The following EIF2B3 variants were observed in gnomAD, a reference collection of about 807,000 sequenced individuals.
EIF2B3 encodes translation initiation factor eIF2B subunit gamma.
EIF2B3 carries 20 observed loss-of-function variants against 54.1 expected under a neutral mutation model. The ratio of observed to expected loss-of-function variants is 0.37; its 90% CI spans 0.26 to 0.54. EIF2B3 has a LOEUF of 0.54. Among genes scored for constraint, EIF2B3 ranks in the 20% least tolerant of loss-of-function variants. The probability of loss-of-function intolerance (pLI) is 0.86; values close to 1 mark genes in which losing one functional copy is unlikely to be tolerated. For missense variants in EIF2B3, 448 were observed against 547.8 expected, an observed-to-expected ratio of 0.82 and a Z score of 1.82; for synonymous variants, 153 against 188.1, an observed-to-expected ratio of 0.81 and a Z score of 1.52.
intron 5 of EIF2B3, among the ~76,000 whole-genome samples, chr1:44,922,834 A>T: frequency 1.1e-5 from 1 of 93,778 alleles, no homozygotes; most frequent in Non-Finnish European, 2.3e-5. Flanking sequence ...TTTCTTTTTC[A>T]GATTTTTTTT....
chr1:44,924,010 G>A (rs1032060270), intron 5 of EIF2B3, among the ~76,000 whole-genome samples: 11 of 147,748 alleles, frequency 7.4e-5, no homozygotes, highest in Non-Finnish European at 1.2e-4. Context: ...GTGCAATCTC[G>A]GCTCACTGCA....
intron 3 of EIF2B3, 144 bp downstream of exon 3, chr1:44,978,171 C>T (rs1393969846): frequency 4.6e-6 from 4 of 871,370 alleles, no homozygotes; most frequent in East Asian, 2.7e-5. Context: ...GTGGAGGTTG[C>T]AGTGAATTGA....
At chr1:44,894,806 G>A (rs1345906853) in intron 6 of EIF2B3, among the ~76,000 whole-genome samples, 1 of 152,088 alleles carries the variant, frequency 6.6e-6, no homozygotes, top group Non-Finnish European at 1.5e-5. Context: ...CATGCAGAAT[G>A]GTTTATGTTC....
intron 4 of EIF2B3, among the ~76,000 whole-genome samples, chr1:44,938,503 T>TCTG (rs142346384): frequency 0.12 from 16,789 of 139,230 alleles, 1,023 homozygotes; most frequent in East Asian, 0.15. Context: ...TCTCTCTCTG[T>TCTG]TTTTTTTTGG....
chr1:44,864,423 G>A lies in EIF2B3; in HGVS notation c.1203-6616C>T, dbSNP rs572749543. Among the ~76,000 whole-genome samples, 53 of 152,044 alleles carry A rather than the reference G, an allele frequency of 3.5e-4. 1 individual carries two copies. The highest frequency in any genetic ancestry group is 4.9e-4 in the Non-Finnish European group (33 of 68,006). ...CTAAAAATACAAAAATTAGCCTGGCGTGATGGTGTGTGCCTGTAGTCCCAG... is the reference window on the plus strand; with the variant it reads ...CTAAAAATACAAAAATTAGCCTGGCATGATGGTGTGTGCCTGTAGTCCCAG... On this transcript the variant is annotated intron_variant, in intron 10 of 11. Coordinates refer to ENST00000360403, the MANE Select transcript of EIF2B3 (RefSeq NM_020365.5).
At chr1:44,967,739 C>CAA (rs35067923) in intron 3 of EIF2B3, among the ~76,000 whole-genome samples, 28 of 49,482 alleles carry the variant, frequency 5.7e-4, no homozygotes, top group Admixed American at 1.0e-3. Context: ...ATGCTGTCTT[C>CAA]AAAAAAAAAA....
chr1:44,916,580 G>C (rs935699703), intron 5 of EIF2B3, among the ~76,000 whole-genome samples: 8 of 148,414 alleles, frequency 5.4e-5, no homozygotes, highest in African/African-American at 2.0e-4. Context: ...CAGCACTTTG[G>C]GAGGCCAAGG....
At chr1:44,914,160 A>AT (rs34681417) in intron 5 of EIF2B3, among the ~76,000 whole-genome samples, 23,356 of 133,634 alleles carry the variant, frequency 0.17, 2,048 homozygotes, top group Non-Finnish European at 0.19. Context: ...TAAATTGGGA[A>AT]TTTTTTTTTT....
At chr1:44,891,077 G>C (rs898085231) in intron 6 of EIF2B3, among the ~76,000 whole-genome samples, 2 of 151,460 alleles carry the variant, frequency 1.3e-5, no homozygotes, top group African/African-American at 2.4e-5. Flanking sequence ...CGGTAGATGG[G>C]AAAAAAAAGA....
At chr1:44,908,744 G>A (rs1280694020) in intron 5 of EIF2B3, among the ~76,000 whole-genome samples, 1 of 152,152 alleles carries the variant, frequency 6.6e-6, no homozygotes, top group Non-Finnish European at 1.5e-5. Context: ...GGAGAATGTT[G>A]AAAAAACTAA....
At chr1:44,982,244 C>G (rs1351489479) in intron 1 of EIF2B3, among the ~76,000 whole-genome samples, 3 of 152,176 alleles carry the variant, frequency 2.0e-5, no homozygotes, top group Admixed American at 6.6e-5. Flanking sequence ...TGAAAAGAAT[C>G]TCTTTACAGA....
intron 3 of EIF2B3, chr1:44,959,175 C>G: frequency 1.4e-6 from 1 of 718,456 alleles, no homozygotes; most frequent in African/African-American, 1.8e-5. Flanking sequence ...GTGTTTTTGG[C>G]TTCCCATTAG....
chr1:44,858,215 A>C (rs932691), intron 10 of EIF2B3, among the ~76,000 whole-genome samples: 65,192 of 151,254 alleles, frequency 0.43, 14,934 homozygotes, highest in African/African-American at 0.59. Flanking sequence ...ACTACAGGTG[A>C]ACACCACCAT....
At chr1:44,926,559 A>G in intron 5 of EIF2B3, 69 bp downstream of exon 5, 2 of 1,221,794 alleles carry the variant, frequency 1.6e-6, no homozygotes, top group Non-Finnish European at 1.2e-6. Flanking sequence ...CCTCTTTCCC[A>G]TCCACTGGGT....
chr1:44,938,625 G>C (rs1472155501), intron 4 of EIF2B3, among the ~76,000 whole-genome samples: 1 of 151,870 alleles, frequency 6.6e-6, no homozygotes, highest in Admixed American at 6.6e-5. Context: ...GGGACTAGAG[G>C]CTCACAAGCC....
Position 44,850,837 on chromosome 1 carries a change from G to T in EIF2B3, c.*114C>A. On this transcript the variant is annotated 3_prime_UTR_variant, in exon 12 of 12. Transcript: ENST00000360403. ...CTTTGGACTGCTCCACAAGTCTCCA[G>T]CATGCCTTTGGAAGCCCTTCTTTAT... is the stretch of plus-strand genomic sequence containing the variant. 1.7e-6 allele frequency: 2 copies of T among 1,197,114 alleles called. No individual in the cohort carries two copies. Among genetic ancestry groups the T allele is most frequent in the South Asian group, 1.2e-5 (1 of 82,230 alleles). 74.2% of individuals were successfully genotyped at this position (1,197,114 alleles called of 1,614,324 possible).
intron 4 of EIF2B3, among the ~76,000 whole-genome samples, chr1:44,934,225 G>A (rs114688853): frequency 0.011 from 1,636 of 151,060 alleles, 33 homozygotes; most frequent in African/African-American, 0.037. Flanking sequence ...GTAAAACCTC[G>A]TCTTTACTAA....
rs890315859 is a variant in EIF2B3 at position 44,857,582 on chromosome 1, C to T, written c.1306+122G>A. 5.4e-6 allele frequency: 5 copies of T among 917,594 alleles called. No homozygotes were observed. In the Admixed American group the frequency reaches 9.4e-5, roughly 17 times the overall value. The allele number at this position is 917,594 out of a possible 1,614,324, so 56.8% of individuals were successfully genotyped here. ...AACTGCTCTCCAAAGATGGCTTTATCAATTTATGTTCTCGCCCGCAGTGTA... is the reference window on the plus strand; with the variant it reads ...AACTGCTCTCCAAAGATGGCTTTATTAATTTATGTTCTCGCCCGCAGTGTA... On this transcript the variant is annotated intron_variant, in intron 11 of 11. Transcript: ENST00000360403.
At position 44,850,834 on chromosome 1, in the gene EIF2B3, C is replaced by G. The variant is rs1385682326; in HGVS notation, c.*117G>C. On this transcript the variant is annotated 3_prime_UTR_variant, in exon 12 of 12. Transcript: ENST00000360403. ...GAGCTTTGGACTGCTCCACAAGTCT[C>G]CAGCATGCCTTTGGAAGCCCTTCTT... 2 of 1,176,970 alleles carry G rather than the reference C, an allele frequency of 1.7e-6. No homozygotes were observed. Among genetic ancestry groups the G allele is most frequent in the Non-Finnish European group, 2.5e-6 (2 of 787,466 alleles). The allele number at this position is 1,176,970 out of a possible 1,614,324, so 72.9% of individuals were successfully genotyped here. A position where few individuals can be genotyped will look rare whatever the true frequency, so the allele number is the denominator to read the frequency against.
Sources: allele counts gnomAD v4.1 joint callset (sites outside exome capture counted in the v4.1 genomes callset), GRCh38; gene constraint gnomAD v4.1.1; transcripts MANE v1.5; gene names NCBI Gene and HGNC (gene_info 2026-07-23, HGNC 2026-07-21).